TAFA1: variants seen among roughly 807,000 people sequenced by gnomAD.
The protein encoded by TAFA1 is chemokine-like protein TAFA-1.
A neutral mutation model predicts 18.5 loss-of-function variants in TAFA1; 4 were observed. The observed-to-expected ratio is 0.22, with a 90% CI of 0.11 to 0.49. The LOEUF (loss-of-function observed/expected upper bound fraction) is 0.49. TAFA1 is among the 20% of genes least tolerant of loss of function. TAFA1 has a pLI of 0.98. For synonymous variants in TAFA1, 56 were observed against 55.2 expected (o/e 1.01, Z -0.06); for missense variants, 147 against 169.0 (o/e 0.87, Z 0.72).
chr3:68,257,300 A>G (rs1369276239), intron 2 of TAFA1, among the ~76,000 whole-genome samples: 1 of 152,100 alleles, frequency 6.6e-6, no homozygotes, highest in Non-Finnish European at 1.5e-5. Context: ...TCCTTAATCT[A>G]ATTTCCAACA....
At chr3:68,236,414 A>T (rs2066927516) in intron 2 of TAFA1, among the ~76,000 whole-genome samples, 2 of 152,232 alleles carry the variant, frequency 1.3e-5, no homozygotes, top group Admixed American at 6.5e-5. Flanking sequence ...AAGAAATGGC[A>T]TTCTCATATA....
intron 2 of TAFA1, among the ~76,000 whole-genome samples, chr3:68,366,642 T>C (rs953209773): frequency 3.9e-5 from 6 of 152,174 alleles, no homozygotes; most frequent in African/African-American, 1.4e-4. Flanking sequence ...AACAGAGGTT[T>C]CAAGACCAGA....
chr3:68,190,727 A>G (rs529869934), intron 2 of TAFA1, among the ~76,000 whole-genome samples: 1 of 151,984 alleles, frequency 6.6e-6, no homozygotes, highest in East Asian at 1.9e-4. Flanking sequence ...TTGTGAGAAC[A>G]GAATAGGAAA....
chr3:68,302,604 A>T (rs780301501), intron 2 of TAFA1, among the ~76,000 whole-genome samples: 62 of 151,520 alleles, frequency 4.1e-4, no homozygotes, highest in South Asian at 6.2e-4. Context: ...AAGAGAATGG[A>T]GTACTTGTCT....
At chr3:68,434,978 T>C (rs1193418463) in intron 3 of TAFA1, among the ~76,000 whole-genome samples, 22 of 152,104 alleles carry the variant, frequency 1.4e-4, no homozygotes, top group Admixed American at 1.3e-3. Flanking sequence ...TAGGACATGA[T>C]TTCTGCTTCA....
intron 3 of TAFA1, among the ~76,000 whole-genome samples, chr3:68,510,753 A>G (rs2072834091): frequency 6.6e-6 from 1 of 152,164 alleles, no homozygotes; most frequent in South Asian, 2.1e-4. Flanking sequence ...TTGACTCCCA[A>G]TTCAATTTCT....
intron 2 of TAFA1, among the ~76,000 whole-genome samples, chr3:68,266,014 T>C (rs4530531): frequency 0.67 from 101,645 of 152,108 alleles, 35,173 homozygotes; most frequent in East Asian, 0.99. Flanking sequence ...TAGGCTCTAT[T>C]GACATAGTCA....
At chr3:68,078,802 G>T (rs568784276) in intron 2 of TAFA1, among the ~76,000 whole-genome samples, 2 of 152,290 alleles carry the variant, frequency 1.3e-5, no homozygotes, top group East Asian at 1.9e-4. Flanking sequence ...CCTGGCTTTG[G>T]TATCAGAATG....
intron 2 of TAFA1, among the ~76,000 whole-genome samples, chr3:68,403,921 A>T (rs921209094): frequency 2.0e-5 from 3 of 152,136 alleles, no homozygotes; most frequent in African/African-American, 4.8e-5. Flanking sequence ...CCACAAGGGG[A>T]TCAGTAACTA....
chr3:68,128,659 C>T (rs1381035870), intron 2 of TAFA1, among the ~76,000 whole-genome samples: 6 of 152,170 alleles, frequency 3.9e-5, no homozygotes, highest in Admixed American at 3.3e-4. Flanking sequence ...CCACCTGATG[C>T]AATGTGGATA....
Position 68,544,637 on chromosome 3 carries a change from G to A in TAFA1, c.*134G>A. The A allele has an allele frequency of 1.2e-6, 1 of 864,378 alleles. No individual in the cohort carries two copies. Among genetic ancestry groups the A allele is most frequent in the Admixed American group, 2.2e-5 (1 of 45,292 alleles). 53.5% of individuals were successfully genotyped at this position (864,378 alleles called of 1,614,324 possible). ...TGACTGGCTACCAGATAATCACAGTGCGTTTACTGTGTGTAACGAAATATC... is the reference window on the plus strand; with the variant it reads ...TGACTGGCTACCAGATAATCACAGTACGTTTACTGTGTGTAACGAAATATC... On this transcript the variant is annotated 3_prime_UTR_variant, in exon 5 of 5. Coordinates refer to ENST00000478136, the MANE Select transcript of TAFA1 (RefSeq NM_213609.4).
intron 2 of TAFA1, among the ~76,000 whole-genome samples, chr3:68,197,859 A>G (rs2066429859): frequency 6.6e-6 from 1 of 151,672 alleles, no homozygotes; most frequent in Admixed American, 6.6e-5. Flanking sequence ...TTGTTCCTGT[A>G]TATAGGTGGG....
At chr3:68,266,076 A>C (rs891359230) in intron 2 of TAFA1, among the ~76,000 whole-genome samples, 45 of 152,272 alleles carry the variant, frequency 3.0e-4, no homozygotes, top group African/African-American at 1.1e-3. Flanking sequence ...TCAGGACATA[A>C]AATGTTCCCT....
chr3:68,352,507 C>G lies in TAFA1; in HGVS notation c.119-64773C>G, dbSNP rs1042039450. On this transcript the variant is annotated intron_variant, in intron 2 of 4. Coordinates refer to ENST00000478136, the MANE Select transcript of TAFA1 (RefSeq NM_213609.4). Reference sequence around the variant, plus strand: ...TGGAGTAAGGTTTGTTTGTGGATTCCTCTGGTGCCATATCTGAGCTGACAA... The same window carrying G: ...TGGAGTAAGGTTTGTTTGTGGATTCGTCTGGTGCCATATCTGAGCTGACAA... Among the ~76,000 whole-genome samples, 3 of 152,098 alleles carry G rather than the reference C, an allele frequency of 2.0e-5. No individual in the cohort carries two copies. In the South Asian group the frequency reaches 6.2e-4, roughly 32 times the overall value.
intron 2 of TAFA1, among the ~76,000 whole-genome samples, chr3:68,271,992 A>G (rs947532058): frequency 6.6e-6 from 1 of 152,178 alleles, no homozygotes; most frequent in Non-Finnish European, 1.5e-5. Context: ...TGTAACTATA[A>G]ATAGATGCTC....
chr3:68,061,394 A>G (rs560270151), intron 2 of TAFA1, among the ~76,000 whole-genome samples: 1 of 152,306 alleles, frequency 6.6e-6, no homozygotes, highest in African/African-American at 2.4e-5. Context: ...GTCCTGAGAG[A>G]AGTCCTGAGA....
At chr3:67,997,087 G>A in the TAFA1 span, among the ~76,000 whole-genome samples, 1 of 151,942 alleles carries the variant, frequency 6.6e-6, no homozygotes, top group Non-Finnish European at 1.5e-5. Context: ...GGAAGGGGAA[G>A]GGAAATGGTA....
intron 4 of TAFA1, among the ~76,000 whole-genome samples, chr3:68,540,214 T>C (rs2073349950): frequency 6.6e-6 from 1 of 151,970 alleles, no homozygotes; most frequent in South Asian, 2.1e-4. Context: ...TTGCCTTTTT[T>C]GACCCCCTTG....
intron 3 of TAFA1, among the ~76,000 whole-genome samples, chr3:68,533,182 A>G (rs2073216095): frequency 6.6e-6 from 1 of 152,108 alleles, no homozygotes; most frequent in Non-Finnish European, 1.5e-5. Flanking sequence ...AAAGACATAC[A>G]TAGGACTGGG....
Sources: gnomAD v4.1 joint callset for allele counts (sites outside exome capture counted in the v4.1 genomes callset) on GRCh38, gnomAD v4.1.1 for gene constraint, MANE v1.5 for transcripts, NCBI Gene and HGNC (gene_info 2026-07-23, HGNC 2026-07-21) for gene names.